CNTN3: variants seen among roughly 807,000 people sequenced by gnomAD.
CNTN3 encodes the protein contactin 3, also known as contactin-3.
CNTN3 carries 60 observed loss-of-function variants against 119.1 expected under a neutral mutation model. The observed-to-expected ratio is 0.50, with a 90% confidence interval of 0.41 to 0.62. The LOEUF (loss-of-function observed/expected upper bound fraction) is 0.62, where lower values mean the gene tolerates loss of function less well. CNTN3 is among the 20% of genes least tolerant of loss of function. CNTN3 has a pLI of 0.00. For missense variants in CNTN3, 1,101 were observed against 1,242.4 expected (o/e 0.89, Z 1.71); for synonymous variants, 450 against 438.7 (o/e 1.03, Z -0.32).
At chr3:74,392,115 G>A (rs1354390058) in intron 5 of CNTN3, among the ~76,000 whole-genome samples, 2 of 152,156 alleles carry the variant, frequency 1.3e-5, no homozygotes, top group Admixed American at 1.3e-4. Context: ...GAAGGGGGAA[G>A]TGAAGGAAGG....
At chr3:74,574,696 A>G (rs958805292) in intron 1 of CNTN3, among the ~76,000 whole-genome samples, 1 of 152,164 alleles carries the variant, frequency 6.6e-6, no homozygotes, top group African/African-American at 2.4e-5. Flanking sequence ...CTTTGGAACC[A>G]TGTTACCAAA....
chr3:74,608,652 C>A (rs1170101677), intron 1 of CNTN3, among the ~76,000 whole-genome samples: 1 of 152,088 alleles, frequency 6.6e-6, no homozygotes. Flanking sequence ...AAAATAAAAT[C>A]TTTATACACT....
At chr3:74,610,349 C>G (rs1559678313) in intron 1 of CNTN3, among the ~76,000 whole-genome samples, 1 of 151,796 alleles carries the variant, frequency 6.6e-6, no homozygotes, top group Non-Finnish European at 1.5e-5. Flanking sequence ...AAAAAAAACC[C>G]TGTGAGTTTG....
intron 1 of CNTN3, among the ~76,000 whole-genome samples, chr3:74,527,371 C>G (rs1703635036): frequency 1.3e-5 from 2 of 151,806 alleles, no homozygotes; most frequent in South Asian, 4.1e-4. Context: ...TAGTAGCAAA[C>G]AGAATCAGAG....
intron 18 of CNTN3, 48 bp from the exon 19 acceptor site, chr3:74,295,284 T>C (rs1194807367): frequency 1.0e-6 from 1 of 997,754 alleles, no homozygotes; most frequent in Non-Finnish European, 1.6e-6. Flanking sequence ...TGGCAGTTAG[T>C]TTAAAACACA....
At chr3:74,306,610 A>C (rs1448219498) in intron 13 of CNTN3, among the ~76,000 whole-genome samples, 2 of 152,120 alleles carry the variant, frequency 1.3e-5, no homozygotes, top group Admixed American at 6.6e-5. Flanking sequence ...CCACTAGTGT[A>C]ATTCTGTTTT....
At chr3:74,386,395 G>A (rs144200248) in intron 5 of CNTN3, among the ~76,000 whole-genome samples, 1 of 152,160 alleles carries the variant, frequency 6.6e-6, no homozygotes, top group African/African-American at 2.4e-5. Flanking sequence ...GAAGAAGGTG[G>A]ATGGCTTGAT....
chr3:74,597,123 C>A (rs114890279), intron 1 of CNTN3, among the ~76,000 whole-genome samples: 1 of 152,054 alleles, frequency 6.6e-6, no homozygotes, highest in Non-Finnish European at 1.5e-5. Flanking sequence ...CCCATTAGTT[C>A]ACAGGTCTGA....
intron 2 of CNTN3, among the ~76,000 whole-genome samples, chr3:74,509,641 A>ATAAGTAACCC (rs1328190037): frequency 1.3e-5 from 2 of 152,144 alleles, no homozygotes; most frequent in Admixed American, 6.6e-5. Flanking sequence ...CAGATTATAA[A>ATAAGTAACCC]TAAGTAACCC....
chr3:74,327,892 A>G lies in CNTN3; in HGVS notation c.1668+6843T>C, dbSNP rs531806465. 2.1e-3 allele frequency among the ~76,000 whole-genome samples: 322 copies of G among 151,474 alleles called. 1 individual carries two copies. The highest frequency in any genetic ancestry group is 7.6e-3 in the African/African-American group (313 of 41,448). On this transcript the variant is annotated intron_variant, in intron 13 of 22. Coordinates refer to ENST00000263665, the MANE Select transcript of CNTN3 (RefSeq NM_020872.3). The stretch of plus-strand genomic sequence containing the variant: ...AATATGGAATCTTTTGTGTTTTTAC[A>G]TTTCTTTTTTATCTCTTATATTCTT...
At chr3:74,387,516 C>T (rs1704780676) in intron 5 of CNTN3, among the ~76,000 whole-genome samples, 1 of 152,172 alleles carries the variant, frequency 6.6e-6, no homozygotes, top group South Asian at 2.1e-4. Context: ...ATTAATCGGA[C>T]AGAGCTAAGT....
intron 4 of CNTN3, among the ~76,000 whole-genome samples, chr3:74,479,302 T>A (rs74399762): frequency 0.13 from 19,514 of 151,936 alleles, 1,259 homozygotes; most frequent in Non-Finnish European, 0.14. Context: ...TGGAATTTGG[T>A]TAGGTTGGTG....
At chr3:74,577,114 T>G (rs546732039) in intron 1 of CNTN3, among the ~76,000 whole-genome samples, 182 of 152,278 alleles carry the variant, frequency 1.2e-3, no homozygotes, top group African/African-American at 4.2e-3. Flanking sequence ...ATACAGTTAC[T>G]ACACCCAAGA....
chr3:74,453,416 T>C (rs1702200775), intron 4 of CNTN3, among the ~76,000 whole-genome samples: 1 of 152,208 alleles, frequency 6.6e-6, no homozygotes. Context: ...TTTTTTTCTT[T>C]ATTAGTCTTG....
rs1205464150 is a variant in CNTN3 at position 74,301,459 on chromosome 3, A to C, written c.2034T>G (p.Ser678Arg). 1.9e-6 allele frequency: 3 copies of C among 1,614,074 alleles called. No homozygotes were observed. Among genetic ancestry groups the C allele is most frequent in the South Asian group, 2.2e-5 (2 of 91,084 alleles). Residue 678 changes from serine (S) to arginine (R), a missense_variant, in exon 16 of 23, where the codon AGT becomes AGG. Coordinates refer to ENST00000263665, the MANE Select transcript of CNTN3 (RefSeq NM_020872.3). ...TTGGTTCTCCACCTCCAATTTTGTTACTGGCTACAACCCGAAATTCATATT... is the reference window on the plus strand; with the variant it reads ...TTGGTTCTCCACCTCCAATTTTGTTCCTGGCTACAACCCGAAATTCATATT... ...WVEYEFRVVASNKIGGGEPSL... is the reference protein window; with the variant it reads ...WVEYEFRVVARNKIGGGEPSL...
At chr3:74,295,089 C>A in intron 19 of CNTN3, 32 bp downstream of exon 19, 2 of 1,393,582 alleles carry the variant, frequency 1.4e-6, no homozygotes, top group Non-Finnish European at 2.0e-6. Context: ...CACGGTAACA[C>A]ACATACACAA....
chr3:74,301,553 A>G lies in CNTN3; in HGVS notation c.1946-6T>C. 6.2e-7 allele frequency: 1 copy of G among 1,613,650 alleles called. No homozygotes were observed. ...CCCATCGATGACCTCAGGCACTACA[A>G]AGGAATATTTCAGAGGTAAGAGTCT... is the stretch of plus-strand genomic sequence containing the variant. On this transcript the variant is annotated splice_polypyrimidine_tract_variant and splice_region_variant and intron_variant, in intron 15 of 22. Coordinates refer to ENST00000263665, the MANE Select transcript of CNTN3 (RefSeq NM_020872.3).
intron 5 of CNTN3, among the ~76,000 whole-genome samples, chr3:74,396,746 G>A (rs1398210747): frequency 2.5e-3 from 250 of 98,692 alleles, no homozygotes; most frequent in African/African-American, 3.4e-3. Flanking sequence ...TTCCGCCTCA[G>A]AAAAAAAAAA....
chr3:74,264,349 C>CT lies in CNTN3; in HGVS notation c.*51dup. ...ATAATCACTGCATTTCATGAAAGCA[C>CT]TTTTTTTGGTAACCAAATAACTTTC... is the stretch of plus-strand genomic sequence containing the variant. On this transcript the variant is annotated 3_prime_UTR_variant, in exon 23 of 23. Transcript: ENST00000263665. 11 of 1,068,370 alleles carry CT rather than the reference C, an allele frequency of 1.0e-5. No individual in the cohort carries two copies. Among genetic ancestry groups the CT allele is most frequent in the African/African-American group, 3.3e-5 (2 of 60,330 alleles). The allele number at this position is 1,068,370 out of a possible 1,614,324, so 66.2% of individuals were successfully genotyped here.
Sources: gnomAD v4.1 joint callset for allele counts (sites outside exome capture counted in the v4.1 genomes callset) on GRCh38, gnomAD v4.1.1 for gene constraint, MANE v1.5 for transcripts, NCBI Gene and HGNC (gene_info 2026-07-23, HGNC 2026-07-21) for gene names.